Variants in DPF3 observed in about 807,000 individuals in gnomAD.
DPF3 encodes the protein zinc finger protein DPF3.
A neutral mutation model predicts 56.8 loss-of-function variants in DPF3; 18 were observed. The observed-to-expected ratio is 0.32, with a 90% CI of 0.22 to 0.47. The LOEUF (loss-of-function observed/expected upper bound fraction) is 0.47. Ranked by LOEUF, DPF3 falls within the 20% of genes least tolerant of loss-of-function variation. The pLI, the probability that DPF3 is intolerant of heterozygous loss-of-function variation, is 1.00. For missense variants in DPF3, 403 were observed against 488.8 expected, an observed-to-expected ratio of 0.82 and a Z score of 1.65; for synonymous variants, 188 against 180.2, an observed-to-expected ratio of 1.04 and a Z score of -0.35.
chr14:72,671,430 TA>T (rs1400733783), intron 8 of DPF3: 17 of 1,530,416 alleles, frequency 1.1e-5, no homozygotes, highest in Non-Finnish European at 1.4e-5. Context: ...CTATTCTTAA[TA>T]GCAAGATATA....
chr14:72,691,234 G>A (rs553153441), intron 7 of DPF3, among the ~76,000 whole-genome samples: 43 of 152,334 alleles, frequency 2.8e-4, no homozygotes, highest in Non-Finnish European at 3.5e-4. Context: ...TTGGAAGTGA[G>A]CAAAAATTCA....
At chr14:72,729,391 G>A (rs901415101) in intron 4 of DPF3, among the ~76,000 whole-genome samples, 2 of 152,228 alleles carry the variant, frequency 1.3e-5, no homozygotes, top group African/African-American at 4.8e-5. Context: ...GGGAGGAACA[G>A]AAGGAGATTC....
chr14:72,633,568 G>A (rs905348884), intron 8 of DPF3, among the ~76,000 whole-genome samples: 3 of 152,306 alleles, frequency 2.0e-5, no homozygotes, highest in Admixed American at 6.5e-5. Flanking sequence ...TCAAGAAGGA[G>A]AAGGTGGTCA....
chr14:72,625,914 G>A (rs948024239), intron 9 of DPF3, among the ~76,000 whole-genome samples: 3 of 152,052 alleles, frequency 2.0e-5, no homozygotes, highest in East Asian at 1.9e-4. Flanking sequence ...TCTAGCATAC[G>A]TAGTTTCAGA....
intron 1 of DPF3, among the ~76,000 whole-genome samples, chr14:72,863,584 G>A (rs1885542305): frequency 6.7e-6 from 1 of 149,300 alleles, no homozygotes. Context: ...AGCAACCGAT[G>A]TGTAGAAAAG....
At chr14:72,768,856 A>T (rs1891394660) in intron 2 of DPF3, among the ~76,000 whole-genome samples, 1 of 152,182 alleles carries the variant, frequency 6.6e-6, no homozygotes. Context: ...TGCAAAAAAA[A>T]GAAAATATCT....
intron 5 of DPF3, among the ~76,000 whole-genome samples, chr14:72,720,503 C>T (rs1269133002): frequency 1.3e-5 from 2 of 152,200 alleles, no homozygotes; most frequent in Admixed American, 6.5e-5. Context: ...TGGAACCATT[C>T]AGCTGCTGCT....
At chr14:72,818,566 A>T (rs988192580) in intron 1 of DPF3, among the ~76,000 whole-genome samples, 2 of 152,238 alleles carry the variant, frequency 1.3e-5, no homozygotes, top group African/African-American at 4.8e-5. Flanking sequence ...CGTCCCAGCT[A>T]CATCGCAGGC....
chr14:72,668,383 CAA>C (rs1178798780), intron 8 of DPF3, among the ~76,000 whole-genome samples: 1 of 151,894 alleles, frequency 6.6e-6, no homozygotes, highest in Non-Finnish European at 1.5e-5. Flanking sequence ...TGAGTCCGTT[CAA>C]AGACTCTATA....
In DPF3 at chr14:72,839,718, C is replaced by T. The variant is rs377666892; in HGVS notation, c.32+54339G>A. Among the ~76,000 whole-genome samples, 8 of 152,304 alleles carry T rather than the reference C, an allele frequency of 5.3e-5. No individual in the cohort carries two copies. In the South Asian group the frequency reaches 8.3e-4, roughly 16 times the overall value. On this transcript the variant is annotated intron_variant, in intron 1 of 10. Coordinates refer to ENST00000556509, the MANE Select transcript of DPF3 (RefSeq NM_001280542.3). The stretch of plus-strand genomic sequence containing the variant: ...GCTCTTGCTACACACAGATAAGAAG[C>T]TTTGCCACCCAAAACCAAGAAAGGG...
chr14:72,792,383 C>T (rs1297086698), intron 1 of DPF3, among the ~76,000 whole-genome samples: 2 of 151,672 alleles, frequency 1.3e-5, no homozygotes, highest in African/African-American at 4.9e-5. Flanking sequence ...CAAAGGCTTT[C>T]GCTTTTTATT....
intron 1 of DPF3, chr14:72,892,109 G>A (rs1567273141): frequency 4.0e-6 from 6 of 1,506,894 alleles, no homozygotes; most frequent in Non-Finnish European, 5.3e-6. Flanking sequence ...GCGGGCTCCC[G>A]GGTAACTAGG....
intron 1 of DPF3, among the ~76,000 whole-genome samples, chr14:72,815,024 A>T (rs1237193930): frequency 1.3e-5 from 2 of 152,214 alleles, no homozygotes; most frequent in African/African-American, 4.8e-5. Context: ...TTTGAAAGGC[A>T]CTAATATGAA....
intron 1 of DPF3, among the ~76,000 whole-genome samples, chr14:72,810,754 C>T (rs1210075586): frequency 6.6e-6 from 1 of 152,162 alleles, no homozygotes; most frequent in Non-Finnish European, 1.5e-5. Context: ...CCTTGACCTT[C>T]CCGATCCTGG....
At chr14:72,807,558 G>A (rs1248664012) in intron 1 of DPF3, among the ~76,000 whole-genome samples, 1 of 152,176 alleles carries the variant, frequency 6.6e-6, no homozygotes, top group East Asian at 1.9e-4. Context: ...TACCAGGTAA[G>A]CTGGGTACAG....
At chr14:72,893,639 A>G (rs1331406654) in intron 1 of DPF3, among the ~76,000 whole-genome samples, 1 of 151,014 alleles carries the variant, frequency 6.6e-6, no homozygotes, top group African/African-American at 2.4e-5. Flanking sequence ...GGCCAAGTAC[A>G]CCGAGGCGGC....
intron 6 of DPF3, among the ~76,000 whole-genome samples, chr14:72,708,516 G>A (rs1266195007): frequency 6.6e-6 from 1 of 152,224 alleles, no homozygotes; most frequent in Non-Finnish European, 1.5e-5. Flanking sequence ...TGAAGGCCGC[G>A]TTATTGGCTT....
At chr14:72,637,072 C>G (rs1451832848) in intron 8 of DPF3, among the ~76,000 whole-genome samples, 1 of 152,204 alleles carries the variant, frequency 6.6e-6, no homozygotes, top group African/African-American at 2.4e-5. Flanking sequence ...GGCTATTGCA[C>G]CAGTCATTCT....
intron 1 of DPF3, among the ~76,000 whole-genome samples, chr14:72,884,165 G>A (rs1886427053): frequency 6.6e-6 from 1 of 152,028 alleles, no homozygotes; most frequent in Non-Finnish European, 1.5e-5. Flanking sequence ...CTGGTTTGGT[G>A]GGTGAACTCA....
Sources: gnomAD v4.1 joint callset for allele counts (sites outside exome capture counted in the v4.1 genomes callset) on GRCh38, gnomAD v4.1.1 for gene constraint, MANE v1.5 for transcripts, NCBI Gene and HGNC (gene_info 2026-07-23, HGNC 2026-07-21) for gene names.